The following INPP4B variants were observed in gnomAD, a reference collection of about 807,000 sequenced individuals.
INPP4B encodes inositol polyphosphate 4-phosphatase type II.
A neutral mutation model predicts 122.5 loss-of-function variants in INPP4B; 55 were observed. The ratio of observed to expected loss-of-function variants is 0.45; its 90% CI spans 0.36 to 0.56. The LOEUF (loss-of-function observed/expected upper bound fraction) is 0.56. Ranked by LOEUF, INPP4B falls within the 20% of genes least tolerant of loss-of-function variation. The pLI, the probability that INPP4B is intolerant of heterozygous loss-of-function variation, is 0.00. For synonymous variants in INPP4B, 403 were observed against 388.7 expected, an observed-to-expected ratio of 1.04 and a Z score of -0.43; for missense variants, 1,000 against 1,097.7, an observed-to-expected ratio of 0.91 and a Z score of 1.26.
At chr4:142,324,162 C>A (rs536998703) in intron 7 of INPP4B, among the ~76,000 whole-genome samples, 22 of 152,304 alleles carry the variant, frequency 1.4e-4, no homozygotes, top group African/African-American at 5.1e-4. Context: ...AAGAGGGCCA[C>A]TGTCTACAAG....
chr4:142,299,820 G>A (rs1760627714), intron 9 of INPP4B, among the ~76,000 whole-genome samples: 1 of 150,240 alleles, frequency 6.7e-6, no homozygotes, highest in African/African-American at 2.5e-5. Context: ...CCAAAAAACT[G>A]GAAGACTATT....
chr4:142,368,893 A>G (rs1788619197), intron 7 of INPP4B, among the ~76,000 whole-genome samples: 1 of 152,080 alleles, frequency 6.6e-6, no homozygotes, highest in African/African-American at 2.4e-5. Flanking sequence ...TGAGTGTGGG[A>G]GAGTAAAAGG....
intron 9 of INPP4B, among the ~76,000 whole-genome samples, chr4:142,299,386 C>G (rs1159237025): frequency 6.6e-6 from 1 of 151,312 alleles, no homozygotes; most frequent in Admixed American, 6.6e-5. Context: ...AACCACTGAG[C>G]TAAAGGGATC....
At chr4:142,199,199 T>C (rs1204401465) in intron 14 of INPP4B, among the ~76,000 whole-genome samples, 1 of 151,992 alleles carries the variant, frequency 6.6e-6, no homozygotes, top group Admixed American at 6.6e-5. Context: ...ACAATGTCGA[T>C]AAAAAAATAA....
chr4:142,756,214 G>A (rs558944384), intron 1 of INPP4B, among the ~76,000 whole-genome samples: 24 of 152,142 alleles, frequency 1.6e-4, no homozygotes, highest in Middle Eastern at 6.8e-3. Flanking sequence ...TTATAAAACT[G>A]TAGCAGCCAT....
chr4:142,325,419 G>C (rs1287403631), intron 7 of INPP4B, among the ~76,000 whole-genome samples: 1 of 152,146 alleles, frequency 6.6e-6, no homozygotes, highest in South Asian at 2.1e-4. Flanking sequence ...GGTAAGACTA[G>C]AGCTTACTCT....
chr4:142,721,155 A>G (rs1484067982), intron 2 of INPP4B, among the ~76,000 whole-genome samples: 1 of 151,872 alleles, frequency 6.6e-6, no homozygotes, highest in Non-Finnish European at 1.5e-5. Context: ...AATTCCCTCA[A>G]AGACTTTAGT....
intron 14 of INPP4B, among the ~76,000 whole-genome samples, chr4:142,194,110 A>G (rs1240034014): frequency 6.6e-6 from 1 of 152,188 alleles, no homozygotes; most frequent in Non-Finnish European, 1.5e-5. Flanking sequence ...GGTAAATACC[A>G]TAACTTCTTC....
intron 23 of INPP4B, among the ~76,000 whole-genome samples, chr4:142,090,640 G>A (rs1457337784): frequency 1.3e-5 from 2 of 151,716 alleles, no homozygotes; most frequent in African/African-American, 4.8e-5. Context: ...ACTCAGTCCT[G>A]CATTATTCTA....
intron 24 of INPP4B, among the ~76,000 whole-genome samples, chr4:142,085,652 C>T (rs932300861): frequency 6.6e-6 from 1 of 152,082 alleles, no homozygotes; most frequent in Non-Finnish European, 1.5e-5. Flanking sequence ...TAGTTCATTA[C>T]CCCAAGAGCA....
chr4:142,584,811 C>T (rs1247913766), intron 2 of INPP4B, among the ~76,000 whole-genome samples: 1 of 151,992 alleles, frequency 6.6e-6, no homozygotes, highest in East Asian at 1.9e-4. Flanking sequence ...GAGTTATGTT[C>T]CACCTCCTTG....
chr4:142,663,439 T>C (rs1326251822), intron 2 of INPP4B, among the ~76,000 whole-genome samples: 2 of 152,090 alleles, frequency 1.3e-5, no homozygotes, highest in African/African-American at 2.4e-5. Context: ...TTAATATAGA[T>C]ATATTAATAG....
intron 2 of INPP4B, among the ~76,000 whole-genome samples, chr4:142,584,187 A>T (rs1264121711): frequency 6.6e-5 from 10 of 152,050 alleles, no homozygotes; most frequent in Non-Finnish European, 8.8e-5. Context: ...ATTTTAGAGC[A>T]GTTCTAGATA....
Position 142,024,854 on chromosome 4 carries a change from A to G in INPP4B, c.*3928T>C, listed in dbSNP as rs1736546609. 1 of 152,146 alleles carries G rather than the reference A, an allele frequency of 6.6e-6. No homozygotes were observed. Among genetic ancestry groups the G allele is most frequent in the South Asian group, 2.1e-4 (1 of 4,828 alleles). The allele number at this position is 152,146 out of a possible 1,614,324, so 9.4% of individuals were successfully genotyped here. ...GAGTTATTGCTTAGACTACAGTTGA[A>G]TTGCTAAGAATTCTCTGGCAAAGCA... On this transcript the variant is annotated 3_prime_UTR_variant, in exon 26 of 26. Coordinates refer to ENST00000262992, the MANE Select transcript of INPP4B (RefSeq NM_001101669.3).
At position 142,160,682 on chromosome 4, in the gene INPP4B, C is replaced by T. The variant is rs567577540; in HGVS notation, c.1360-121G>A. On this transcript the variant is annotated intron_variant, in intron 16 of 25. Transcript: ENST00000262992. Reference sequence around the variant, plus strand: ...GTGTGTATGGTGGAAAAAGTACAGACGCCAAGGAGAGAAAATGATTCATAC... The same window carrying T: ...GTGTGTATGGTGGAAAAAGTACAGATGCCAAGGAGAGAAAATGATTCATAC... The T allele has an allele frequency of 1.0e-3, 614 of 614,482 alleles. 8 individuals are homozygous for T. In the South Asian group the frequency reaches 0.017, roughly 17 times the overall value. 38.1% of individuals were successfully genotyped at this position (614,482 alleles called of 1,614,324 possible). A position where few individuals can be genotyped will look rare whatever the true frequency, so the allele number is the denominator to read the frequency against.
chr4:142,393,522 G>A (rs919031206), intron 7 of INPP4B, among the ~76,000 whole-genome samples: 3 of 152,204 alleles, frequency 2.0e-5, no homozygotes. Context: ...ACTGGTAATA[G>A]TGACATTAAT....
chr4:142,324,405 T>C (rs1051122685), intron 7 of INPP4B, among the ~76,000 whole-genome samples: 2 of 152,136 alleles, frequency 1.3e-5, no homozygotes, highest in African/African-American at 4.8e-5. Context: ...CCTGAAAAAG[T>C]GGATATTGTT....
At chr4:142,670,699 TTAGA>T (rs950384263) in intron 2 of INPP4B, among the ~76,000 whole-genome samples, 2 of 152,096 alleles carry the variant, frequency 1.3e-5, no homozygotes, top group East Asian at 1.9e-4. Context: ...AAAATTTCAG[TTAGA>T]TAGAAGAAGT....
rs558118229 is a variant in INPP4B at position 142,481,821 on chromosome 4, G to T, written c.-190-19095C>A. On this transcript the variant is annotated intron_variant, in intron 2 of 25. Transcript: ENST00000262992. ...ATCTGTTCCGTTCTAGTATTAACTA[G>T]CTATTGAGAACTGGCTATTTCCCAC... Among the ~76,000 whole-genome samples the T allele has an allele frequency of 5.3e-5, 8 of 152,226 alleles. No individual in the cohort carries two copies. The East Asian group carries it at 1.5e-3, about 29-fold the overall frequency.
Sources: allele counts gnomAD v4.1 joint callset (sites outside exome capture counted in the v4.1 genomes callset), GRCh38; gene constraint gnomAD v4.1.1; transcripts MANE v1.5; gene names NCBI Gene and HGNC (gene_info 2026-07-23, HGNC 2026-07-21).